NR2E1: variants seen among roughly 807,000 people sequenced by gnomAD.
NR2E1 encodes nuclear receptor TLX.
A neutral mutation model predicts 43.6 loss-of-function variants in NR2E1; 5 were observed. That is an observed-to-expected ratio of 0.11 (90% CI 0.06 to 0.24). NR2E1 has a LOEUF of 0.24. NR2E1 is among the 10% of genes least tolerant of loss of function. The pLI is 1.00. For synonymous variants in NR2E1, 191 were observed against 195.5 expected, an observed-to-expected ratio of 0.98 and a Z score of 0.19; for missense variants, 287 against 496.7, an observed-to-expected ratio of 0.58 and a Z score of 4.01.
At chr6:108,171,729 T>A in intron 2 of NR2E1, 126 bp downstream of exon 2, 1 of 1,203,850 alleles carries the variant, frequency 8.3e-7, no homozygotes, top group Non-Finnish European at 1.2e-6. Context: ...TCTCCCTTCC[T>A]CTCCCCTCCT....
At chr6:108,178,404 T>C (rs1773934564) in intron 5 of NR2E1, among the ~76,000 whole-genome samples, 163 bp downstream of exon 5, 1 of 152,234 alleles carries the variant, frequency 6.6e-6, no homozygotes, top group African/African-American at 2.4e-5. Flanking sequence ...TTCCTGTGGG[T>C]TCAAAATATC....
At chr6:108,181,246 T>A (rs1773981081) in intron 7 of NR2E1, among the ~76,000 whole-genome samples, 1 of 151,950 alleles carries the variant, frequency 6.6e-6, no homozygotes, top group Non-Finnish European at 1.5e-5. Flanking sequence ...CAGGCTGGAG[T>A]CCAATGGCAC....
chr6:108,174,069 T>G (rs1251592295), intron 2 of NR2E1, among the ~76,000 whole-genome samples: 1 of 152,198 alleles, frequency 6.6e-6, no homozygotes, highest in African/African-American at 2.4e-5. Context: ...GGTGAGCATT[T>G]CTATATTTTG....
intron 8 of NR2E1, among the ~76,000 whole-genome samples, 192 bp from the exon 9 acceptor site, chr6:108,187,109 G>T (rs1050076415): frequency 1.3e-5 from 2 of 152,068 alleles, no homozygotes; most frequent in African/African-American, 4.8e-5. Flanking sequence ...ATCATTTATG[G>T]TCTCCCTGCC....
Position 108,180,478 on chromosome 6 carries a change from G to A in NR2E1, c.739+59G>A. 8.6e-7 allele frequency: 1 copy of A among 1,162,412 alleles called. No homozygotes were observed. The highest frequency in any genetic ancestry group is 1.3e-6 in the Non-Finnish European group (1 of 768,592). 72.0% of individuals were successfully genotyped at this position (1,162,412 alleles called of 1,614,324 possible). A position where few individuals can be genotyped will look rare whatever the true frequency, so the allele number is the denominator to read the frequency against. ...GAAATTACCATAAAAATACATTACT[G>A]AAAAAAGAACAACATGTAAAGAATA... On this transcript the variant is annotated intron_variant, in intron 6 of 8. Transcript: ENST00000368986. The surrounding 1 kb of genome is among the most constrained non-coding windows in gnomAD (Gnocchi z 5.4).
chr6:108,185,539 T>A (rs1191658807), intron 8 of NR2E1, among the ~76,000 whole-genome samples: 1 of 152,026 alleles, frequency 6.6e-6, no homozygotes, highest in Non-Finnish European at 1.5e-5. Context: ...GCCTTCTGAG[T>A]ATCTGGGACT....
At chr6:108,181,236 C>A (rs1203988792) in intron 7 of NR2E1, among the ~76,000 whole-genome samples, 1 of 151,862 alleles carries the variant, frequency 6.6e-6, no homozygotes, top group Non-Finnish European at 1.5e-5. Context: ...TCTTGTCACC[C>A]AGGCTGGAGT....
rs962944681 is a variant in NR2E1, at chr6:108,166,538, G to C, written c.-228G>C. The C allele has an allele frequency of 1.4e-5, 7 of 501,648 alleles. No individual in the cohort carries two copies. The African/African-American group carries it at 1.5e-4, about 10-fold the overall frequency. 31.1% of individuals were successfully genotyped at this position (501,648 alleles called of 1,614,324 possible). A position where few individuals can be genotyped will look rare whatever the true frequency, so the allele number is the denominator to read the frequency against. On this transcript the variant is annotated 5_prime_UTR_variant, in exon 1 of 9. Coordinates refer to ENST00000368986, the MANE Select transcript of NR2E1 (RefSeq NM_003269.5). This position sits in a 1 kb window ranked among gnomAD's most constrained non-coding sequence, Gnocchi z 7.2. ...TCAAGCAGCATTCCCAGCAGCTGCG[G>C]TTTTGCAAGAGCCGGGAAGAAACTT...
At position 108,166,749 on chromosome 6, in the gene NR2E1, G is replaced by T; in HGVS notation, c.-17G>T. On this transcript the variant is annotated 5_prime_UTR_variant, in exon 1 of 9. Coordinates refer to ENST00000368986, the MANE Select transcript of NR2E1 (RefSeq NM_003269.5). This position sits in a 1 kb window ranked among gnomAD's most constrained non-coding sequence, Gnocchi z 7.2. ...TCGGGCAGCGCCCACCAACCGCTCC[G>T]CCCCGGGACAGCCAGCATGAGCAAG... The T allele has an allele frequency of 6.4e-7, 1 of 1,564,940 alleles. No homozygotes were observed.
rs934801252 is a variant in NR2E1 at position 108,178,236 on chromosome 6, G to A, written c.637G>A (p.Asp213Asn). 1 of 1,614,148 alleles carries A rather than the reference G, an allele frequency of 6.2e-7. No homozygotes were observed. Among genetic ancestry groups the A allele is most frequent in the Non-Finnish European group, 8.5e-7 (1 of 1,180,022 alleles). Residue 213 changes from aspartate to asparagine, a missense_variant, in exon 5 of 9, where the codon GAC (aspartate) becomes AAC (asparagine). Physicochemically the swap from Asp to Asn is conservative, Grantham distance 23. Transcript: ENST00000368986. ...AGCCTTCTCCACGCTGTCTTTGCAAGACCAGGTATGACCACACTGAGGCCT... is the reference window on the plus strand; with the variant it reads ...AGCCTTCTCCACGCTGTCTTTGCAAAACCAGGTATGACCACACTGAGGCCT... ...VPAFSTLSLQ[D>N]QLMLLEDAWR...
rs1363628834 is a variant in NR2E1, at chr6:108,171,341, C to A, written c.26-117C>A. ...CTTTTACCGCAGCTTCGGTGCTAAT[C>A]CCTTCAGAGGTCAGATTGCTTAGCA... On this transcript the variant is annotated intron_variant, in intron 1 of 8. Transcript: ENST00000368986. 5.3e-6 allele frequency: 6 copies of A among 1,141,700 alleles called. No homozygotes were observed. In the East Asian group the frequency reaches 1.4e-4, roughly 27 times the overall value. 70.7% of individuals were successfully genotyped at this position (1,141,700 alleles called of 1,614,324 possible).
Position 108,166,825 on chromosome 6 carries a change from G to A in NR2E1, c.25+35G>A. 2 of 1,581,710 alleles carry A rather than the reference G, an allele frequency of 1.3e-6. No individual in the cohort carries two copies. The highest frequency in any genetic ancestry group is 1.7e-6 in the Non-Finnish European group (2 of 1,167,342). ...TCTCGGGCCGCCGTGGGGCCTAGGCGCGCAGCCTGGGGCGAGCGAGCGGGG... is the reference window on the plus strand; with the variant it reads ...TCTCGGGCCGCCGTGGGGCCTAGGCACGCAGCCTGGGGCGAGCGAGCGGGG... On this transcript the variant is annotated intron_variant, in intron 1 of 8. Transcript: ENST00000368986. This position sits in a 1 kb window ranked among gnomAD's most constrained non-coding sequence, Gnocchi z 7.2.
intron 3 of NR2E1, among the ~76,000 whole-genome samples, chr6:108,175,882 TGTTTAAAC>T (rs1773888279): frequency 6.6e-6 from 1 of 152,242 alleles, no homozygotes; most frequent in Non-Finnish European, 1.5e-5. Context: ...TTAATTTGTT[TGTTTAAAC>T]TGTTGGTGGT....
intron 8 of NR2E1, among the ~76,000 whole-genome samples, chr6:108,182,062 C>T (rs1773999368): frequency 6.6e-6 from 1 of 151,910 alleles, no homozygotes; most frequent in Admixed American, 6.6e-5. Flanking sequence ...ACAGTGAAAC[C>T]CCGTCTCTAC....
rs1250889987 is a variant in NR2E1, at chr6:108,180,567, ATGT to A, written c.739+153_739+155del. 4.0e-6 allele frequency: 3 copies of A among 748,954 alleles called. No homozygotes were observed. Among genetic ancestry groups the A allele is most frequent in the Non-Finnish European group, 6.9e-6 (3 of 432,198 alleles). The allele number at this position is 748,954 out of a possible 1,614,324, so 46.4% of individuals were successfully genotyped here. A position where few individuals can be genotyped will look rare whatever the true frequency, so the allele number is the denominator to read the frequency against. ...ATAAATCTATATTTAAATGCAAATA[ATGT>A]TGTTTTGTTGTATTCATGACTGCTT... On this transcript the variant is annotated intron_variant, in intron 6 of 8. Coordinates refer to ENST00000368986, the MANE Select transcript of NR2E1 (RefSeq NM_003269.5). The surrounding 1 kb of genome is among the most constrained non-coding windows in gnomAD (Gnocchi z 5.4).
chr6:108,168,495 G>A (rs371628118), intron 1 of NR2E1, among the ~76,000 whole-genome samples: 1 of 152,236 alleles, frequency 6.6e-6, no homozygotes, highest in Non-Finnish European at 1.5e-5. Flanking sequence ...CCAACCCTCC[G>A]GACTTTGGGG....
At chr6:108,168,550 C>T (rs759605824) in intron 1 of NR2E1, among the ~76,000 whole-genome samples, 115 of 152,286 alleles carry the variant, frequency 7.6e-4, no homozygotes, top group Non-Finnish European at 1.3e-3. Context: ...GCCGTTCTAA[C>T]TTGCCAAGAG....
At chr6:108,187,255 T>C (rs372388123) in intron 8 of NR2E1, 46 bp from the exon 9 acceptor site, 6 of 1,609,512 alleles carry the variant, frequency 3.7e-6, no homozygotes, top group Non-Finnish European at 5.1e-6. Flanking sequence ...TTAGTTTCCA[T>C]AAGTAATGGC....
intron 1 of NR2E1, among the ~76,000 whole-genome samples, chr6:108,167,036 C>T (rs1008823672): frequency 6.6e-6 from 1 of 152,012 alleles, no homozygotes; most frequent in Non-Finnish European, 1.5e-5. Context: ...AGGTTACGAC[C>T]CGCGCAGCCC....
Sources: gnomAD v4.1 joint callset for allele counts (sites outside exome capture counted in the v4.1 genomes callset) on GRCh38, gnomAD v4.1.1 for gene constraint, Gnocchi (gnomAD v3.1) non-coding constraint, MANE v1.5 for transcripts, NCBI Gene and HGNC (gene_info 2026-07-23, HGNC 2026-07-21) for gene names.